Variants in PARP11 observed in about 807,000 individuals in gnomAD.
PARP11 encodes the protein poly(ADP-ribose) polymerase family member 11, also known as protein mono-ADP-ribosyltransferase PARP11.
A neutral mutation model predicts 42.9 loss-of-function variants in PARP11; 31 were observed. The ratio of observed to expected loss-of-function variants is 0.72; its 90% CI spans 0.54 to 0.98. PARP11 has a LOEUF of 0.98. PARP11 is among the 50% of genes least tolerant of loss of function. The pLI, the probability that PARP11 is intolerant of heterozygous loss-of-function variation, is 0.00. For missense variants in PARP11, 365 were observed against 413.1 expected (o/e 0.88, Z 1.01); for synonymous variants, 137 against 127.3 (o/e 1.08, Z -0.51).
intron 6 of PARP11, among the ~76,000 whole-genome samples, chr12:3,816,065 A>G (rs1326240780): frequency 6.6e-6 from 1 of 152,248 alleles, no homozygotes; most frequent in African/African-American, 2.4e-5. Context: ...AAGGTCGTGC[A>G]TTTAGCAAAT....
rs1948524798 is a variant in PARP11, at chr12:3,873,139, C to G, written c.18+73G>C. On this transcript the variant is annotated intron_variant, in intron 1 of 7. Coordinates refer to ENST00000228820, the MANE Select transcript of PARP11 (RefSeq NM_020367.6). ...CTGAAGCGAGCGCGGGGAAGCAGTTCCGGTGACCCCCTCCCGCCCCTCTCT... is the reference window on the plus strand; with the variant it reads ...CTGAAGCGAGCGCGGGGAAGCAGTTGCGGTGACCCCCTCCCGCCCCTCTCT... 8 of 1,336,378 alleles carry G rather than the reference C, an allele frequency of 6.0e-6. No homozygotes were observed. In the South Asian group the frequency reaches 8.8e-5, roughly 15 times the overall value. 82.8% of individuals were successfully genotyped at this position (1,336,378 alleles called of 1,614,324 possible).
intron 6 of PARP11, among the ~76,000 whole-genome samples, chr12:3,817,540 T>C (rs910403915): frequency 1.3e-5 from 2 of 152,224 alleles, no homozygotes; most frequent in African/African-American, 2.4e-5. Flanking sequence ...TTCCAGGGCC[T>C]CATGAACTTT....
At chr12:3,835,821 T>C (rs902118562) in intron 1 of PARP11, among the ~76,000 whole-genome samples, 10 of 152,114 alleles carry the variant, frequency 6.6e-5, no homozygotes, top group African/African-American at 2.4e-4. Context: ...CATAAATTAA[T>C]AGACATTATG....
At position 3,809,280 on chromosome 12, in the gene PARP11, G is replaced by C. The variant is rs1196455816; in HGVS notation, c.*2843C>G. 3 of 151,900 alleles carry C rather than the reference G, an allele frequency of 2.0e-5. No individual in the cohort carries two copies. Among genetic ancestry groups the C allele is most frequent in the Non-Finnish European group, 4.4e-5 (3 of 67,970 alleles). The allele number at this position is 151,900 out of a possible 1,614,324, so 9.4% of individuals were successfully genotyped here. A position where few individuals can be genotyped will look rare whatever the true frequency, so the allele number is the denominator to read the frequency against. On this transcript the variant is annotated 3_prime_UTR_variant, in exon 8 of 8. Coordinates refer to ENST00000228820, the MANE Select transcript of PARP11 (RefSeq NM_020367.6). ...GATTTAATCTACTTACCAAAACAAA[G>C]AAATAAAATTTTAACATCCATTAAC...
At position 3,828,920 on chromosome 12, in the gene PARP11, T is replaced by C. The variant is rs142750141; in HGVS notation, c.258A>G (p.Ile86Met). The C allele has an allele frequency of 7.4e-6, 12 of 1,613,960 alleles. No homozygotes were observed. Among genetic ancestry groups the C allele is most frequent in the Non-Finnish European group, 1.0e-5 (12 of 1,179,868 alleles). Residue 86 changes from isoleucine (I) to methionine (M), a missense_variant, in exon 3 of 8, where the codon ATA becomes ATG. Physicochemically the swap from Ile to Met is conservative, Grantham distance 10. Transcript: ENST00000228820. ...SFTTSKFSYKIDFAEMKQMNL... is the reference protein window; with the variant it reads ...SFTTSKFSYKMDFAEMKQMNL... The stretch of plus-strand genomic sequence containing the variant: ...GGGAAAAAAACATACCTGCAAAGTC[T>C]ATCTTGTAGCTGAATTTGGAAGTAG...
chr12:3,864,592 T>G (rs1331611747), intron 1 of PARP11, among the ~76,000 whole-genome samples: 2 of 152,384 alleles, frequency 1.3e-5, no homozygotes, highest in East Asian at 1.9e-4. Flanking sequence ...ATTTAACAGA[T>G]GTTGGACTAT....
At chr12:3,842,141 A>C in intron 1 of PARP11, 2 of 1,612,140 alleles carry the variant, frequency 1.2e-6, no homozygotes, top group Non-Finnish European at 1.7e-6. Context: ...AAAGTCTGAA[A>C]GAAAAAACAG....
intron 1 of PARP11, among the ~76,000 whole-genome samples, chr12:3,831,525 C>G (rs2138049183): frequency 6.6e-6 from 1 of 152,232 alleles, no homozygotes; most frequent in Non-Finnish European, 1.5e-5. Flanking sequence ...TAGACTCCTT[C>G]CTCATTGGGA....
rs538110371 is a variant in PARP11 at position 3,810,952 on chromosome 12, G to A, written c.*1171C>T. On this transcript the variant is annotated 3_prime_UTR_variant, in exon 8 of 8. Transcript: ENST00000228820. ...AACTCCTATGCAACATGCCCGCCAA[G>A]TTGCTGTCTCGCCTCTGCTAGAATA... 6.6e-6 allele frequency: 1 copy of A among 152,206 alleles called. No individual in the cohort carries two copies. The highest frequency in any genetic ancestry group is 1.5e-5 in the Non-Finnish European group (1 of 68,046). 9.4% of individuals were successfully genotyped at this position (152,206 alleles called of 1,614,324 possible).
chr12:3,847,476 C>T (rs1444292164), intron 1 of PARP11, among the ~76,000 whole-genome samples: 1 of 152,114 alleles, frequency 6.6e-6, no homozygotes, highest in Non-Finnish European at 1.5e-5. Flanking sequence ...TCACCATGAT[C>T]AAGTGGGATT....
In PARP11 at chr12:3,873,354, G is replaced by T; in HGVS notation, c.-125C>A. On this transcript the variant is annotated 5_prime_UTR_variant, in exon 1 of 8. Transcript: ENST00000228820. Reference sequence around the variant, plus strand: ...GGGACGGAGATGCAACCTTTACGAAGGCCTTCCTCCTCCCCCTCCCTGTCA... The same window carrying T: ...GGGACGGAGATGCAACCTTTACGAATGCCTTCCTCCTCCCCCTCCCTGTCA... 1 of 858,584 alleles carries T rather than the reference G, an allele frequency of 1.2e-6. No individual in the cohort carries two copies. The highest frequency in any genetic ancestry group is 1.5e-5 in the South Asian group (1 of 67,124). The allele number at this position is 858,584 out of a possible 1,614,324, so 53.2% of individuals were successfully genotyped here.
At chr12:3,872,565 T>C in intron 1 of PARP11, 1 of 985,344 alleles carries the variant, frequency 1.0e-6, no homozygotes, top group Non-Finnish European at 1.2e-6. Context: ...CCAGATCACT[T>C]TGTCCACCGA....
intron 1 of PARP11, chr12:3,872,664 T>C (rs369268591): frequency 1.0e-6 from 1 of 985,024 alleles, no homozygotes; most frequent in South Asian, 4.7e-5. Context: ...TGGCTCCTCT[T>C]AGGCCCATTC....
chr12:3,824,325 A>G (rs1398332723), intron 4 of PARP11, among the ~76,000 whole-genome samples: 1 of 152,232 alleles, frequency 6.6e-6, no homozygotes, highest in Non-Finnish European at 1.5e-5. Flanking sequence ...CTTCAACTAC[A>G]ACAATGAATA....
intron 1 of PARP11, among the ~76,000 whole-genome samples, chr12:3,830,313 T>C (rs748300054): frequency 3.3e-5 from 5 of 152,216 alleles, no homozygotes; most frequent in Admixed American, 2.6e-4. Context: ...GGTTTCAGCA[T>C]AGCCCCAAGC....
In PARP11 at chr12:3,858,501, AC is replaced by A. The variant is rs575946979; in HGVS notation, c.18+14710del. Among the ~76,000 whole-genome samples, 465 of 152,334 alleles carry A rather than the reference AC, an allele frequency of 3.1e-3. 3 individuals are homozygous for A. The highest frequency in any genetic ancestry group is 9.7e-3 in the African/African-American group (405 of 41,574). ...AATAAGGTAGATGACTCTAAAGGAA[AC>A]ATTTTTAAAAGCCATCCAGCAAAAT... On this transcript the variant is annotated intron_variant, in intron 1 of 7. Coordinates refer to ENST00000228820, the MANE Select transcript of PARP11 (RefSeq NM_020367.6).
chr12:3,814,961 A>C (rs1200887670), intron 6 of PARP11: 3 of 452,204 alleles, frequency 6.6e-6, no homozygotes, highest in Non-Finnish European at 1.3e-5. Flanking sequence ...ACAGGTAGTA[A>C]AAAATACAAA....
intron 4 of PARP11, among the ~76,000 whole-genome samples, chr12:3,824,871 G>T (rs73251459): frequency 6.6e-6 from 1 of 152,076 alleles, no homozygotes; most frequent in East Asian, 1.9e-4. Flanking sequence ...TGGATATGAC[G>T]TAGCTAGTAA....
intron 6 of PARP11, among the ~76,000 whole-genome samples, chr12:3,814,643 T>C (rs977544228): frequency 4.6e-5 from 7 of 152,136 alleles, no homozygotes; most frequent in South Asian, 2.1e-4. Flanking sequence ...TTTTGCACCA[T>C]AGGGTTGGGA....
Sources: allele counts gnomAD v4.1 joint callset (sites outside exome capture counted in the v4.1 genomes callset), GRCh38; gene constraint gnomAD v4.1.1; transcripts MANE v1.5; gene names NCBI Gene and HGNC (gene_info 2026-07-23, HGNC 2026-07-21).